The following MACROD2 variants were observed in gnomAD, a reference collection of about 807,000 sequenced individuals.
MACROD2 encodes ADP-ribose glycohydrolase MACROD2.
MACROD2 carries 36 observed loss-of-function variants against 70.4 expected under a neutral mutation model. That is an observed-to-expected ratio of 0.51 (90% CI 0.39 to 0.68). The LOEUF (loss-of-function observed/expected upper bound fraction) is 0.68, where lower values mean the gene tolerates loss of function less well. Ranked by LOEUF, MACROD2 falls within the 30% of genes least tolerant of loss-of-function variation. MACROD2 has a pLI of 0.00. For missense variants in MACROD2, 496 were observed against 538.4 expected, an observed-to-expected ratio of 0.92 and a Z score of 0.78; for synonymous variants, 172 against 178.8, an observed-to-expected ratio of 0.96 and a Z score of 0.30.
intron 2 of MACROD2, among the ~76,000 whole-genome samples, chr20:14,077,713 A>G (rs982314659): frequency 6.6e-6 from 1 of 152,226 alleles, no homozygotes; most frequent in African/African-American, 2.4e-5. Flanking sequence ...GCAGAAAAGG[A>G]ATTCTTTATG....
At chr20:15,125,810 C>G (rs1481210426) in intron 5 of MACROD2, among the ~76,000 whole-genome samples, 2 of 151,780 alleles carry the variant, frequency 1.3e-5, no homozygotes, top group East Asian at 3.9e-4. Flanking sequence ...GCATCATTCT[C>G]CAAAATAAAC....
At chr20:16,021,301 T>C (rs1348962952) in intron 15 of MACROD2, among the ~76,000 whole-genome samples, 1 of 152,212 alleles carries the variant, frequency 6.6e-6, no homozygotes, top group Non-Finnish European at 1.5e-5. Context: ...CATCAGTGAC[T>C]GCCATCTCTC....
intron 3 of MACROD2, among the ~76,000 whole-genome samples, chr20:14,457,119 T>G (rs960429272): frequency 2.6e-5 from 4 of 152,098 alleles, no homozygotes; most frequent in Admixed American, 2.0e-4. Flanking sequence ...GGTATCATTA[T>G]AGCATCAGAA....
intron 8 of MACROD2, among the ~76,000 whole-genome samples, chr20:15,841,657 C>G (rs2064172116): frequency 6.6e-6 from 1 of 152,046 alleles, no homozygotes; most frequent in Admixed American, 6.6e-5. Context: ...ACTCACCTCC[C>G]ACCAGGCCCT....
At chr20:15,537,581 C>T in intron 8 of MACROD2, among the ~76,000 whole-genome samples, 1 of 147,620 alleles carries the variant, frequency 6.8e-6, no homozygotes, top group Admixed American at 7.0e-5. Flanking sequence ...TCAAGCAATT[C>T]TTGTGCCTCA....
At chr20:14,702,637 GTATATATATA>G (rs373374437) in intron 5 of MACROD2, among the ~76,000 whole-genome samples, 1 of 65,372 alleles carries the variant, frequency 1.5e-5, no homozygotes, top group African/African-American at 5.8e-5. Context: ...ATATATATAT[GTATATATATA>G]TACACATATA....
chr20:14,612,258 T>C (rs1044509198), intron 4 of MACROD2, among the ~76,000 whole-genome samples: 4 of 152,138 alleles, frequency 2.6e-5, no homozygotes, highest in Admixed American at 2.6e-4. Flanking sequence ...ATAATATATA[T>C]AGGTATAACT....
chr20:13,995,850 G>GGGGGGGGGGGGT lies in MACROD2; in HGVS notation c.46+41_46+42insGGGGGGGGGGGT. 1.4e-5 allele frequency: 7 copies of GGGGGGGGGGGGT among 505,094 alleles called. No individual in the cohort carries two copies. Among genetic ancestry groups the GGGGGGGGGGGGT allele is most frequent in the Non-Finnish European group, 2.3e-5 (6 of 266,318 alleles). The allele number at this position is 505,094 out of a possible 1,614,324, so 31.3% of individuals were successfully genotyped here. On this transcript the variant is annotated intron_variant, in intron 1 of 17. Transcript: ENST00000684519. The surrounding 1 kb of genome is among the most constrained non-coding windows in gnomAD (Gnocchi z 4.3). ...AGTCCTGGGGGTGCGGGCGGTGGGG[G>GGGGGGGGGGGGT]TTAGGGTGGGGGCGGGGGTCAGGCT...
chr20:14,270,747 C>G (rs971533794), intron 3 of MACROD2, among the ~76,000 whole-genome samples: 9 of 152,268 alleles, frequency 5.9e-5, no homozygotes, highest in African/African-American at 1.9e-4. Flanking sequence ...AGGAACAGCT[C>G]TGGTCTACAG....
intron 11 of MACROD2, among the ~76,000 whole-genome samples, chr20:15,936,277 T>TAC (rs1421631996): frequency 6.7e-6 from 1 of 149,002 alleles, no homozygotes; most frequent in Non-Finnish European, 1.5e-5. Context: ...TGTATATATA[T>TAC]ACACACATAT....
At chr20:15,196,067 G>A (rs1394584195) in intron 5 of MACROD2, among the ~76,000 whole-genome samples, 2 of 152,082 alleles carry the variant, frequency 1.3e-5, no homozygotes, top group African/African-American at 4.8e-5. Context: ...GACACACACT[G>A]GGGCCCTTAA....
At chr20:14,862,704 T>TATATATAAATATATATAAAA (rs1568841732) in intron 5 of MACROD2, among the ~76,000 whole-genome samples, 4 of 89,356 alleles carry the variant, frequency 4.5e-5, no homozygotes, top group African/African-American at 9.8e-5. Context: ...TATATAAATA[T>TATATATAAATATATATAAAA]ATATATATAT....
At chr20:15,473,954 G>C (rs548231293) in intron 7 of MACROD2, among the ~76,000 whole-genome samples, 18 of 152,174 alleles carry the variant, frequency 1.2e-4, no homozygotes, top group Non-Finnish European at 8.8e-5. Flanking sequence ...GTGTGGTTTT[G>C]GAGTTCAGAC....
At chr20:15,406,791 G>C (rs79960403) in intron 6 of MACROD2, among the ~76,000 whole-genome samples, 1 of 152,126 alleles carries the variant, frequency 6.6e-6, no homozygotes, top group African/African-American at 2.4e-5. Flanking sequence ...AGCACAGGGA[G>C]GTGTCATTAG....
intron 3 of MACROD2, among the ~76,000 whole-genome samples, chr20:14,175,264 C>T (rs999428644): frequency 1.3e-5 from 2 of 152,172 alleles, no homozygotes; most frequent in Non-Finnish European, 1.5e-5. Context: ...GTTTATGTTT[C>T]CCCTCTTGTC....
chr20:15,165,502 G>T (rs954984497), intron 5 of MACROD2, among the ~76,000 whole-genome samples: 3 of 152,164 alleles, frequency 2.0e-5, no homozygotes, highest in Non-Finnish European at 4.4e-5. Context: ...TAGATATGAT[G>T]AACAAATAGG....
chr20:14,916,866 GA>G (rs1328329527), intron 5 of MACROD2, among the ~76,000 whole-genome samples: 1 of 151,856 alleles, frequency 6.6e-6, no homozygotes, highest in African/African-American at 2.4e-5. Flanking sequence ...GCGGAGAATG[GA>G]AAAAAATATA....
intron 6 of MACROD2, among the ~76,000 whole-genome samples, chr20:15,336,983 T>A (rs771982104): frequency 4.0e-5 from 6 of 151,680 alleles, no homozygotes; most frequent in Non-Finnish European, 8.8e-5. Context: ...GCTCTATTTT[T>A]CTCCACCCTT....
chr20:15,611,575 T>A (rs545628789), intron 8 of MACROD2, among the ~76,000 whole-genome samples: 1 of 152,060 alleles, frequency 6.6e-6, no homozygotes, highest in South Asian at 2.1e-4. Flanking sequence ...GTAGAGTAGG[T>A]GCTGGTCACA....
Sources: gnomAD v4.1 joint callset for allele counts (sites outside exome capture counted in the v4.1 genomes callset) on GRCh38, gnomAD v4.1.1 for gene constraint, Gnocchi (gnomAD v3.1) non-coding constraint, MANE v1.5 for transcripts, NCBI Gene and HGNC (gene_info 2026-07-23, HGNC 2026-07-21) for gene names.